The following PRIM2 variants were observed in gnomAD, a reference collection of about 807,000 sequenced individuals.
PRIM2 encodes the protein DNA primase subunit 2.
In PRIM2, 39 loss-of-function variants were observed where a neutral mutation model predicts 67.3. The ratio of observed to expected loss-of-function variants is 0.58; its 90% confidence interval spans 0.45 to 0.76. The LOEUF is 0.76. PRIM2 is among the 30% of genes least tolerant of loss of function. The pLI, the probability that PRIM2 is intolerant of heterozygous loss-of-function variation, is 0.00. For missense variants in PRIM2, 398 were observed against 598.7 expected (o/e 0.66, Z 3.50); for synonymous variants, 143 against 198.7 (o/e 0.72, Z 2.36).
chr6:57,643,027 A>T (rs1777273620), intron 13 of PRIM2, among the ~76,000 whole-genome samples: 1 of 152,114 alleles, frequency 6.6e-6, no homozygotes, highest in African/African-American at 2.4e-5. Context: ...TAGATTTCAT[A>T]GAACAATTTT....
At chr6:57,369,244 A>G (rs1308770842) in intron 5 of PRIM2, among the ~76,000 whole-genome samples, 1 of 152,210 alleles carries the variant, frequency 6.6e-6, no homozygotes, top group Non-Finnish European at 1.5e-5. Context: ...GGATTTCAAC[A>G]GAGTGAAATT....
intron 5 of PRIM2, among the ~76,000 whole-genome samples, chr6:57,340,513 A>G (rs1054907334): frequency 2.0e-5 from 3 of 152,234 alleles, no homozygotes; most frequent in African/African-American, 7.2e-5. Flanking sequence ...ACACCATGGA[A>G]TACTATGCAG....
At chr6:57,344,791 A>G (rs1768614879) in intron 5 of PRIM2, among the ~76,000 whole-genome samples, 1 of 152,146 alleles carries the variant, frequency 6.6e-6, no homozygotes, top group African/African-American at 2.4e-5. Context: ...GGTCTTAGTG[A>G]CAATATTTTA....
intron 10 of PRIM2, among the ~76,000 whole-genome samples, chr6:57,558,631 A>G (rs1775565776): frequency 6.6e-6 from 1 of 150,950 alleles, no homozygotes; most frequent in South Asian, 2.1e-4. Flanking sequence ...GGTTGGTTTT[A>G]TTGCTGTCTT....
chr6:57,601,534 C>T (rs1336324225), intron 11 of PRIM2, among the ~76,000 whole-genome samples: 2,676 of 152,212 alleles, frequency 0.018, 86 homozygotes, highest in African/African-American at 0.061. Context: ...TCTTAGAGGG[C>T]GATGTAAGTT....
At chr6:57,488,418 A>C (rs1169552365) in intron 7 of PRIM2, among the ~76,000 whole-genome samples, 1 of 152,280 alleles carries the variant, frequency 6.6e-6, no homozygotes, top group African/African-American at 2.4e-5. Context: ...TCTTGGGAAA[A>C]CTTTAGTCTA....
At chr6:57,570,905 T>A (rs1287206924) in intron 10 of PRIM2, among the ~76,000 whole-genome samples, 2 of 152,200 alleles carry the variant, frequency 1.3e-5, no homozygotes, top group African/African-American at 2.4e-5. Flanking sequence ...GCATTTTTTT[T>A]ATTAAAGTTA....
At chr6:57,395,022 C>T (rs62415552) in intron 7 of PRIM2, among the ~76,000 whole-genome samples, 1 of 152,122 alleles carries the variant, frequency 6.6e-6, no homozygotes, top group African/African-American at 2.4e-5. Flanking sequence ...CCCACTTGAT[C>T]ATGGTGATTA....
chr6:57,414,869 C>T (rs1771206321), intron 7 of PRIM2, among the ~76,000 whole-genome samples: 1 of 151,966 alleles, frequency 6.6e-6, no homozygotes, highest in Admixed American at 6.6e-5. Flanking sequence ...TTTATTTCCC[C>T]TTAATACTTG....
intron 10 of PRIM2, among the ~76,000 whole-genome samples, chr6:57,580,580 G>A (rs1228118757): frequency 1.3e-5 from 2 of 152,158 alleles, no homozygotes; most frequent in Non-Finnish European, 2.9e-5. Context: ...AGCTTGCAAG[G>A]CCTATTTGTT....
chr6:57,573,956 A>G (rs1323770839), intron 10 of PRIM2, among the ~76,000 whole-genome samples: 2 of 151,924 alleles, frequency 1.3e-5, no homozygotes, highest in East Asian at 3.9e-4. Flanking sequence ...CAGAAACTTT[A>G]GCTATAAAAT....
intron 8 of PRIM2, among the ~76,000 whole-genome samples, chr6:57,513,070 G>A (rs2127461416): frequency 6.6e-6 from 1 of 152,128 alleles, no homozygotes; most frequent in East Asian, 1.9e-4. Context: ...AAAGTTTAGA[G>A]AGAATTTGTA....
chr6:57,422,755 C>T (rs1246364820), intron 7 of PRIM2, among the ~76,000 whole-genome samples: 2 of 151,454 alleles, frequency 1.3e-5, no homozygotes, highest in Non-Finnish European at 2.9e-5. Flanking sequence ...GGGTTTTATG[C>T]TAAACAGGTT....
chr6:57,505,069 A>G (rs1774224532), intron 7 of PRIM2: 1 of 152,230 alleles, frequency 6.6e-6, no homozygotes, highest in South Asian at 2.1e-4. Context: ...TGGAGCCAAC[A>G]GTTCCTAAAA....
intron 12 of PRIM2, among the ~76,000 whole-genome samples, chr6:57,615,722 C>T (rs1164861484): frequency 6.6e-6 from 1 of 152,038 alleles, no homozygotes; most frequent in Non-Finnish European, 1.5e-5. Context: ...ATAGGTAGAC[C>T]CTGCCTTTAA....
chr6:57,455,233 G>A (rs1772723221), intron 7 of PRIM2, among the ~76,000 whole-genome samples: 1 of 152,196 alleles, frequency 6.6e-6, no homozygotes, highest in South Asian at 2.1e-4. Context: ...GAATAAGTGA[G>A]GTGTGGTGCT....
intron 13 of PRIM2, among the ~76,000 whole-genome samples, chr6:57,636,336 T>A (rs1777121055): frequency 6.6e-6 from 1 of 152,162 alleles, no homozygotes; most frequent in East Asian, 1.9e-4. Flanking sequence ...TACCTCTATT[T>A]CTCTATTCCT....
At chr6:57,415,695 G>C (rs1771238447) in intron 7 of PRIM2, among the ~76,000 whole-genome samples, 1 of 152,136 alleles carries the variant, frequency 6.6e-6, no homozygotes, top group African/African-American at 2.4e-5. Context: ...TCTACTACTT[G>C]ATAAACTAAG....
At chr6:57,372,775 G>T (rs1345418367) in intron 5 of PRIM2, among the ~76,000 whole-genome samples, 1 of 152,152 alleles carries the variant, frequency 6.6e-6, no homozygotes, top group Non-Finnish European at 1.5e-5. Context: ...CCCTGCAAAG[G>T]ACATGAGCTC....
Sources: allele counts gnomAD v4.1 joint callset (sites outside exome capture counted in the v4.1 genomes callset), GRCh38; gene constraint gnomAD v4.1.1; transcripts MANE v1.5; gene names NCBI Gene and HGNC (gene_info 2026-07-23, HGNC 2026-07-21).